The following CFAP54 variants were observed in gnomAD, a reference collection of about 807,000 sequenced individuals.
The protein encoded by CFAP54 is cilia- and flagella-associated protein 54.
A neutral mutation model predicts 370.4 loss-of-function variants in CFAP54; 290 were observed. That is an observed-to-expected ratio of 0.78 (90% confidence interval 0.71 to 0.86). The LOEUF (loss-of-function observed/expected upper bound fraction) is 0.86. Among genes scored for constraint, CFAP54 ranks in the 40% least tolerant of loss-of-function variants. The probability of loss-of-function intolerance (pLI) is 0.00; values close to 1 mark genes in which losing one functional copy is unlikely to be tolerated. For missense variants in CFAP54, 3,399 were observed against 3,528.7 expected (o/e 0.96, Z 0.93); for synonymous variants, 1,206 against 1,236.5 (o/e 0.98, Z 0.52).
rs115694456 is a variant in CFAP54 at position 96,560,039 on chromosome 12, A to C, written c.2411-4429A>C. Among the ~76,000 whole-genome samples, 166 of 152,256 alleles carry C rather than the reference A, an allele frequency of 1.1e-3. 1 individual carries two copies. Among genetic ancestry groups the C allele is most frequent in the African/African-American group, 3.9e-3 (162 of 41,552 alleles). On this transcript the variant is annotated intron_variant, in intron 17 of 67. Coordinates refer to ENST00000524981, the MANE Select transcript of CFAP54 (RefSeq NM_001306084.2). ...TACATATTTATGGGGTACATGCAAT[A>C]TTTTAACACGTGCATACAATGTACA...
chr12:96,651,492 T>G, intron 35 of CFAP54, 96 bp from the exon 36 acceptor site: 1 of 945,734 alleles, frequency 1.1e-6, no homozygotes, highest in Non-Finnish European at 1.6e-6. Flanking sequence ...TAGTTATTTT[T>G]ACTATTGACA....
At chr12:96,650,545 A>G (rs1245205435) in intron 35 of CFAP54, among the ~76,000 whole-genome samples, 1 of 151,834 alleles carries the variant, frequency 6.6e-6, no homozygotes, top group African/African-American at 2.4e-5. Context: ...CATCACTTCC[A>G]TGTTCTCTCA....
chr12:96,720,514 C>T lies in CFAP54; in HGVS notation c.6914C>T (p.Ala2305Val). The change falls in exon 50 of 68, where the codon GCC (alanine) becomes GTC (valine). Residue 2305 changes from alanine (A) to valine (V), a missense_variant. Coordinates refer to ENST00000524981, the MANE Select transcript of CFAP54 (RefSeq NM_001306084.2). ...SAGELEIVVE[A>V]RLQLAAVALQ... ...GGCGAGCTGGAGATTGTGGTGGAGG[C>T]CCGGCTTCAGCTGGCTGCAGTTGCT... 1.9e-6 allele frequency: 3 copies of T among 1,593,282 alleles called. No homozygotes were observed. The highest frequency in any genetic ancestry group is 2.6e-6 in the Non-Finnish European group (3 of 1,167,600).
intron 17 of CFAP54, among the ~76,000 whole-genome samples, chr12:96,562,131 C>G (rs1300662227): frequency 1.3e-5 from 2 of 151,988 alleles, no homozygotes; most frequent in African/African-American, 4.8e-5. Flanking sequence ...AAAGGTTTCT[C>G]CTCACCTTCT....
intron 63 of CFAP54, among the ~76,000 whole-genome samples, chr12:96,798,375 T>C (rs1292507854): frequency 6.6e-6 from 1 of 152,156 alleles, no homozygotes; most frequent in African/African-American, 2.4e-5. Context: ...TAAATTTTCA[T>C]GGGGTAGATA....
chr12:96,661,871 C>T (rs573119949), intron 38 of CFAP54, among the ~76,000 whole-genome samples: 3 of 152,220 alleles, frequency 2.0e-5, no homozygotes, highest in South Asian at 4.1e-4. Flanking sequence ...ATGAAGAATA[C>T]AATTTCTAAA....
intron 66 of CFAP54, among the ~76,000 whole-genome samples, chr12:96,832,001 G>A (rs1959172515): frequency 6.6e-6 from 1 of 152,126 alleles, no homozygotes; most frequent in Non-Finnish European, 1.5e-5. Context: ...ATCTTGAATT[G>A]TAACTCCCAC....
chr12:96,647,808 T>C, intron 33 of CFAP54, 67 bp from the exon 34 acceptor site: 1 of 1,331,150 alleles, frequency 7.5e-7, no homozygotes, highest in Non-Finnish European at 9.9e-7. Context: ...AAAAATAGAT[T>C]GCATTTGACA....
At chr12:96,494,307 ATT>A (rs557686958) in intron 1 of CFAP54, among the ~76,000 whole-genome samples, 5 of 146,020 alleles carry the variant, frequency 3.4e-5, no homozygotes, top group Non-Finnish European at 7.6e-5. Context: ...CCCTTATGTA[ATT>A]TTTTTTTTTT....
At chr12:96,535,721 A>G (rs192432957) in intron 12 of CFAP54, 121 bp downstream of exon 12, 2 of 588,030 alleles carry the variant, frequency 3.4e-6, no homozygotes, top group East Asian at 5.7e-5. Flanking sequence ...TTGTTTAATC[A>G]TTAGCATATA....
chr12:96,609,858 A>G (rs1239462489), intron 26 of CFAP54, among the ~76,000 whole-genome samples: 1 of 152,352 alleles, frequency 6.6e-6, no homozygotes. Context: ...TAAAAGAACC[A>G]TGGGATCTTA....
At chr12:96,493,670 C>T (rs944886703) in intron 1 of CFAP54, among the ~76,000 whole-genome samples, 3 of 152,014 alleles carry the variant, frequency 2.0e-5, no homozygotes, top group East Asian at 1.9e-4. Flanking sequence ...TGGTGGTGGG[C>T]GCCTGTAATC....
intron 43 of CFAP54, 110 bp from the exon 44 acceptor site, chr12:96,691,018 C>A: frequency 3.5e-6 from 3 of 850,808 alleles, no homozygotes; most frequent in Non-Finnish European, 5.6e-6. Context: ...GTACAGTGTG[C>A]TAGGCATATA....
intron 20 of CFAP54, among the ~76,000 whole-genome samples, chr12:96,577,789 G>A (rs1232423462): frequency 2.0e-5 from 3 of 152,092 alleles, no homozygotes; most frequent in African/African-American, 7.2e-5. Context: ...GGCTAAGCGC[G>A]ATGGCTCAAG....
chr12:96,508,066 G>T (rs1347783814), intron 4 of CFAP54, among the ~76,000 whole-genome samples: 1 of 151,844 alleles, frequency 6.6e-6, no homozygotes, highest in African/African-American at 2.4e-5. Flanking sequence ...TTGTTTGAGT[G>T]GTGGAAATGA....
chr12:96,686,907 A>G (rs1957336399), intron 42 of CFAP54, among the ~76,000 whole-genome samples: 1 of 152,252 alleles, frequency 6.6e-6, no homozygotes, highest in Non-Finnish European at 1.5e-5. Flanking sequence ...AGCGGCTTAA[A>G]ACAAAACAGG....
chr12:96,601,060 G>T (rs952948336), intron 26 of CFAP54, among the ~76,000 whole-genome samples: 9 of 152,094 alleles, frequency 5.9e-5, no homozygotes, highest in African/African-American at 2.2e-4. Flanking sequence ...GAATGCTTCC[G>T]GTTTTGCCCA....
At chr12:96,714,394 C>T (rs574032683) in intron 48 of CFAP54, among the ~76,000 whole-genome samples, 19 of 152,220 alleles carry the variant, frequency 1.2e-4, no homozygotes, top group South Asian at 2.1e-4. Context: ...AGAAATGTTT[C>T]GCAATCATTA....
At chr12:96,742,690 C>G in intron 52 of CFAP54, 104 bp downstream of exon 52, 2 of 1,093,228 alleles carry the variant, frequency 1.8e-6, no homozygotes, top group South Asian at 3.1e-5. Flanking sequence ...TTATAACTTT[C>G]TAGCTTGATC....
Sources: gnomAD v4.1 joint callset for allele counts (sites outside exome capture counted in the v4.1 genomes callset) on GRCh38, gnomAD v4.1.1 for gene constraint, MANE v1.5 for transcripts, NCBI Gene and HGNC (gene_info 2026-07-23, HGNC 2026-07-21) for gene names.